The following GPC6 variants were observed in gnomAD, a reference collection of about 807,000 sequenced individuals.
The protein encoded by GPC6 is glypican 6.
Under a neutral mutation model 55.2 loss-of-function variants are expected in GPC6, and 14 were observed. The observed-to-expected ratio is 0.25, with a 90% confidence interval of 0.17 to 0.40. The LOEUF (loss-of-function observed/expected upper bound fraction) is 0.40. Among genes scored for constraint, GPC6 ranks in the 10% least tolerant of loss-of-function variants. The probability of loss-of-function intolerance (pLI) is 1.00; values close to 1 mark genes in which losing one functional copy is unlikely to be tolerated. For synonymous variants in GPC6, 278 were observed against 259.6 expected (o/e 1.07, Z -0.68); for missense variants, 641 against 708.5 (o/e 0.90, Z 1.08).
chr13:93,669,227 G>T (rs963253055), intron 2 of GPC6, among the ~76,000 whole-genome samples: 2 of 152,096 alleles, frequency 1.3e-5, no homozygotes, highest in African/African-American at 4.8e-5. Context: ...GAAAGAAAAG[G>T]CATTGTATTG....
intron 1 of GPC6, among the ~76,000 whole-genome samples, chr13:93,448,703 A>G (rs1878102880): frequency 6.6e-6 from 1 of 152,174 alleles, no homozygotes; most frequent in Non-Finnish European, 1.5e-5. Flanking sequence ...TCTGTTTTCC[A>G]TATCTAAGTG....
intron 1 of GPC6, among the ~76,000 whole-genome samples, chr13:93,229,253 T>TC (rs1463098147): frequency 2.0e-5 from 3 of 150,440 alleles, no homozygotes; most frequent in East Asian, 3.9e-4. Context: ...CTTTTTTTTT[T>TC]CCCTCCCCAA....
chr13:94,149,120 AT>A (rs1239831917), intron 4 of GPC6, among the ~76,000 whole-genome samples: 3 of 152,086 alleles, frequency 2.0e-5, no homozygotes, highest in African/African-American at 7.2e-5. Context: ...GATTTCTCAC[AT>A]TTTTTATGGC....
intron 4 of GPC6, among the ~76,000 whole-genome samples, chr13:94,213,841 T>G (rs781211544): frequency 6.6e-6 from 1 of 152,176 alleles, no homozygotes. Context: ...ATGGAGATGC[T>G]GCAAATTACA....
At chr13:93,343,040 C>G (rs898638880) in intron 1 of GPC6, among the ~76,000 whole-genome samples, 2 of 152,068 alleles carry the variant, frequency 1.3e-5, no homozygotes, top group African/African-American at 4.8e-5. Context: ...TTGCAGGTCT[C>G]TCTTATCTTT....
intron 3 of GPC6, among the ~76,000 whole-genome samples, chr13:93,978,483 C>T (rs2140401906): frequency 6.6e-6 from 1 of 152,208 alleles, no homozygotes; most frequent in Middle Eastern, 3.4e-3. Context: ...CCAAATATAA[C>T]CAATACTGAG....
At chr13:93,730,556 A>G (rs543688281) in intron 2 of GPC6, among the ~76,000 whole-genome samples, 1 of 152,240 alleles carries the variant, frequency 6.6e-6, no homozygotes, top group East Asian at 1.9e-4. Flanking sequence ...TGTGCCATTT[A>G]TTATAACTAA....
At chr13:93,234,422 A>C (rs1876164008) in intron 1 of GPC6, among the ~76,000 whole-genome samples, 1 of 152,164 alleles carries the variant, frequency 6.6e-6, no homozygotes. Flanking sequence ...GAGTCCCTTA[A>C]CAAGCTGTTG....
chr13:93,352,365 A>G (rs1210501256), intron 1 of GPC6, among the ~76,000 whole-genome samples: 1 of 152,230 alleles, frequency 6.6e-6, no homozygotes, highest in African/African-American at 2.4e-5. Context: ...TAATATAGCA[A>G]TGGGGATTGT....
intron 2 of GPC6, among the ~76,000 whole-genome samples, chr13:93,694,400 G>A (rs527697993): frequency 2.6e-5 from 4 of 152,196 alleles, no homozygotes; most frequent in South Asian, 2.1e-4. Flanking sequence ...ATATTTTCCC[G>A]TATAGCTTAT....
chr13:93,787,688 A>G (rs1030750826), intron 2 of GPC6, among the ~76,000 whole-genome samples: 8 of 152,134 alleles, frequency 5.3e-5, no homozygotes, highest in African/African-American at 1.7e-4. Flanking sequence ...GGAACAGTTG[A>G]TTTATTCTCT....
chr13:93,296,695 A>G (rs1878505395), intron 1 of GPC6, among the ~76,000 whole-genome samples: 1 of 152,166 alleles, frequency 6.6e-6, no homozygotes, highest in South Asian at 2.1e-4. Flanking sequence ...ATGTGGGGGC[A>G]TCTGAGCCAT....
At chr13:93,910,911 A>G (rs1461446691) in intron 3 of GPC6, among the ~76,000 whole-genome samples, 2 of 152,236 alleles carry the variant, frequency 1.3e-5, no homozygotes, top group Non-Finnish European at 2.9e-5. Context: ...CACAGTTCTC[A>G]TAACAGAGAG....
At chr13:93,690,439 A>G (rs1212883428) in intron 2 of GPC6, among the ~76,000 whole-genome samples, 2 of 151,996 alleles carry the variant, frequency 1.3e-5, no homozygotes, top group Non-Finnish European at 2.9e-5. Flanking sequence ...GAAAAAATAT[A>G]TATATATCCT....
chr13:93,467,738 C>G (rs1020449481), intron 1 of GPC6, among the ~76,000 whole-genome samples: 1 of 151,864 alleles, frequency 6.6e-6, no homozygotes, highest in African/African-American at 2.4e-5. Context: ...GCATGCACCA[C>G]CATGACCAGC....
intron 2 of GPC6, among the ~76,000 whole-genome samples, chr13:93,665,123 T>A (rs1199208858): frequency 2.0e-5 from 3 of 152,232 alleles, no homozygotes; most frequent in Admixed American, 1.3e-4. Context: ...ATCCTAGGCA[T>A]ACACGCCCAT....
chr13:93,526,161 A>G (rs1162525619), intron 1 of GPC6, among the ~76,000 whole-genome samples: 1 of 152,114 alleles, frequency 6.6e-6, no homozygotes, highest in African/African-American at 2.4e-5. Flanking sequence ...AAATGAGCCT[A>G]GAACCTAAGT....
intron 1 of GPC6, among the ~76,000 whole-genome samples, chr13:93,286,078 G>A (rs1039241760): frequency 2.6e-5 from 4 of 152,102 alleles, no homozygotes; most frequent in East Asian, 1.9e-4. Flanking sequence ...CTGAGACTGC[G>A]TAATTTACAA....
intron 7 of GPC6, among the ~76,000 whole-genome samples, chr13:94,392,450 T>C (rs6492703): frequency 0.62 from 81,367 of 130,952 alleles, 25,083 homozygotes; most frequent in African/African-American, 0.71. Context: ...TTTTTGGAGA[T>C]GGAGTTTAGC....
Sources: gnomAD v4.1 joint callset for allele counts (sites outside exome capture counted in the v4.1 genomes callset) on GRCh38, gnomAD v4.1.1 for gene constraint, MANE v1.5 for transcripts, NCBI Gene and HGNC (gene_info 2026-07-23, HGNC 2026-07-21) for gene names.